Variants in RAD23B observed in about 807,000 individuals in gnomAD.
RAD23B encodes the protein lysine-specific demethylase RAD23B.
A neutral mutation model predicts 49.1 loss-of-function variants in RAD23B; 5 were observed. The ratio of observed to expected loss-of-function variants is 0.10; its 90% CI spans 0.05 to 0.21. RAD23B has a LOEUF of 0.21. Among genes scored for constraint, RAD23B ranks in the 10% least tolerant of loss-of-function variants. The pLI, the probability that RAD23B is intolerant of heterozygous loss-of-function variation, is 1.00. For missense variants in RAD23B, 356 were observed against 486.7 expected (o/e 0.73, Z 2.53); for synonymous variants, 184 against 165.4 (o/e 1.11, Z -0.86).
chr9:107,310,636 A>C (rs1239767829), intron 4 of RAD23B, among the ~76,000 whole-genome samples: 1 of 152,224 alleles, frequency 6.6e-6, no homozygotes, highest in Non-Finnish European at 1.5e-5. Context: ...GCGTTTTGAA[A>C]TTTTATTTTC....
chr9:107,298,759 A>G (rs907564958), intron 1 of RAD23B, among the ~76,000 whole-genome samples: 1 of 151,994 alleles, frequency 6.6e-6, no homozygotes, highest in Non-Finnish European at 1.5e-5. Context: ...AAAAATAACT[A>G]TCTGCCAAAA....
intron 9 of RAD23B, among the ~76,000 whole-genome samples, chr9:107,325,838 A>T (rs1461275163): frequency 6.6e-6 from 1 of 152,200 alleles, no homozygotes; most frequent in African/African-American, 2.4e-5. Flanking sequence ...GAAAGCATTC[A>T]GTCTTTCATC....
At chr9:107,290,080 C>T (rs772423537) in intron 1 of RAD23B, among the ~76,000 whole-genome samples, 1 of 152,186 alleles carries the variant, frequency 6.6e-6, no homozygotes, top group Admixed American at 6.5e-5. Context: ...CTTCCACTGC[C>T]ACAGGATGCT....
intron 7 of RAD23B, among the ~76,000 whole-genome samples, chr9:107,323,651 G>GT (rs1827148879): frequency 6.6e-6 from 1 of 152,096 alleles, no homozygotes; most frequent in Admixed American, 6.5e-5. Context: ...GGAAAGTTTG[G>GT]TTCATATTAC....
At chr9:107,324,110 C>T in intron 8 of RAD23B, 93 bp downstream of exon 8, 2 of 1,298,666 alleles carry the variant, frequency 1.5e-6, no homozygotes, top group Non-Finnish European at 2.2e-6. Context: ...AAATACAACT[C>T]TGTATTTGAG....
At chr9:107,284,117 C>T (rs1380688930) in intron 1 of RAD23B, 2 of 996,498 alleles carry the variant, frequency 2.0e-6, no homozygotes, top group Non-Finnish European at 2.4e-6. Context: ...CGCTTAGTTC[C>T]CAGAGTTGGT....
chr9:107,301,151 CCA>C (rs1401263592), intron 2 of RAD23B, among the ~76,000 whole-genome samples: 4 of 152,192 alleles, frequency 2.6e-5, no homozygotes, highest in African/African-American at 9.7e-5. Flanking sequence ...TTCAGCACGA[CCA>C]CAGTTTTGTG....
chr9:107,284,976 T>TGGA, intron 1 of RAD23B: 2 of 1,299,108 alleles, frequency 1.5e-6, no homozygotes, highest in Non-Finnish European at 2.0e-6. Flanking sequence ...TTCCTTTGAG[T>TGGA]GGAGATACAG....
intron 5 of RAD23B, among the ~76,000 whole-genome samples, chr9:107,314,432 A>G (rs572466286): frequency 5.7e-4 from 87 of 152,284 alleles, no homozygotes; most frequent in Admixed American, 2.2e-3. Flanking sequence ...TTGTGAGGAC[A>G]TGGGGTATTT....
intron 5 of RAD23B, among the ~76,000 whole-genome samples, chr9:107,316,513 T>A (rs898582199): frequency 2.0e-5 from 3 of 152,188 alleles, no homozygotes; most frequent in East Asian, 1.9e-4. Flanking sequence ...TGAACATGTA[T>A]TGCTACTTGA....
At chr9:107,306,270 G>A (rs11573670) in intron 3 of RAD23B, 109 bp from the exon 4 acceptor site, 89 of 1,000,322 alleles carry the variant, frequency 8.9e-5, no homozygotes, top group Admixed American at 4.8e-4. Flanking sequence ...TCAAGTTATA[G>A]GTTGTTATTA....
intron 7 of RAD23B, 114 bp downstream of exon 7, chr9:107,322,232 G>A (rs140992673): frequency 8.0e-5 from 102 of 1,277,450 alleles, no homozygotes; most frequent in Middle Eastern, 4.5e-4. Flanking sequence ...CGAATAATTC[G>A]TTAAGTTCTC....
chr9:107,302,400 C>T (rs556856375), intron 3 of RAD23B, among the ~76,000 whole-genome samples: 1 of 152,098 alleles, frequency 6.6e-6, no homozygotes, highest in Non-Finnish European at 1.5e-5. Context: ...GTAGTGAAAT[C>T]ATTATATAAT....
At chr9:107,298,778 A>G (rs74431835) in intron 1 of RAD23B, among the ~76,000 whole-genome samples, 20,926 of 151,974 alleles carry the variant, frequency 0.14, 1,881 homozygotes, top group Non-Finnish European at 0.2. Flanking sequence ...AACAACAGTA[A>G]CACCAAAGCA....
chr9:107,313,788 T>C (rs1481346635), intron 5 of RAD23B, among the ~76,000 whole-genome samples: 2 of 152,232 alleles, frequency 1.3e-5, no homozygotes, highest in African/African-American at 4.8e-5. Context: ...ATTCTTTTCT[T>C]GTTCACTTCT....
intron 7 of RAD23B, 102 bp downstream of exon 7, chr9:107,322,220 G>C: frequency 7.4e-7 from 1 of 1,351,234 alleles, no homozygotes; most frequent in Non-Finnish European, 9.9e-7. Flanking sequence ...TCCCAGAGCA[G>C]TCGAATAATT....
At chr9:107,283,755 C>T (rs953666876) in intron 1 of RAD23B, 60 bp downstream of exon 1, 35 of 1,312,154 alleles carry the variant, frequency 2.7e-5, no homozygotes, top group Admixed American at 4.2e-5. Flanking sequence ...GCGCCAGGAG[C>T]TCGTGGGGCC....
chr9:107,323,297 T>C (rs949298126), intron 7 of RAD23B, among the ~76,000 whole-genome samples: 3 of 152,232 alleles, frequency 2.0e-5, no homozygotes, highest in African/African-American at 7.2e-5. Flanking sequence ...CGAGTTTTTG[T>C]AGTTCACAAA....
intron 5 of RAD23B, among the ~76,000 whole-genome samples, chr9:107,316,502 C>T (rs1827000815): frequency 6.6e-6 from 1 of 152,102 alleles, no homozygotes; most frequent in Admixed American, 6.6e-5. Flanking sequence ...AATTAGGTTA[C>T]TGAACATGTA....
Sources: allele counts gnomAD v4.1 joint callset (sites outside exome capture counted in the v4.1 genomes callset), GRCh38; gene constraint gnomAD v4.1.1; transcripts MANE v1.5; gene names NCBI Gene and HGNC (gene_info 2026-07-23, HGNC 2026-07-21).